NFX1: variants seen among roughly 807,000 people sequenced by gnomAD.
NFX1 encodes nuclear transcription factor, X-box binding 1, also known as transcriptional repressor NF-X1.
Under a neutral mutation model 137.2 loss-of-function variants are expected in NFX1, and 69 were observed. The ratio of observed to expected loss-of-function variants is 0.50; its 90% CI spans 0.41 to 0.61. The LOEUF (loss-of-function observed/expected upper bound fraction) is 0.61. Ranked by LOEUF, NFX1 falls within the 20% of genes least tolerant of loss-of-function variation. The pLI is 0.00. For missense variants in NFX1, 1,167 were observed against 1,391.0 expected, an observed-to-expected ratio of 0.84 and a Z score of 2.56; for synonymous variants, 495 against 474.1, an observed-to-expected ratio of 1.04 and a Z score of -0.57.
At chr9:33,351,371 G>A (rs891786579) in intron 15 of NFX1, among the ~76,000 whole-genome samples, 189 bp from the exon 16 acceptor site, 4 of 151,132 alleles carry the variant, frequency 2.6e-5, no homozygotes, top group South Asian at 2.1e-4. Context: ...GAGATGGGAG[G>A]ATCACCTGAG....
intron 16 of NFX1, among the ~76,000 whole-genome samples, chr9:33,352,122 T>C (rs1039684432): frequency 6.6e-6 from 1 of 152,212 alleles, no homozygotes; most frequent in Non-Finnish European, 1.5e-5. Flanking sequence ...GTGCTAGGGA[T>C]AAATTAGTGA....
chr9:33,328,540 G>T, intron 9 of NFX1, 41 bp from the exon 10 acceptor site: 11 of 1,469,084 alleles, frequency 7.5e-6, no homozygotes, highest in Non-Finnish European at 1.0e-5. Context: ...AAAATGAGTA[G>T]TTGCAGTTTT....
At chr9:33,313,925 C>T (rs773808937) in intron 7 of NFX1, 132 bp downstream of exon 7, 40 of 806,776 alleles carry the variant, frequency 5.0e-5, no homozygotes, top group Middle Eastern at 3.9e-4. Context: ...ACTGGAGATA[C>T]GATGCTTAGA....
intron 5 of NFX1, among the ~76,000 whole-genome samples, chr9:33,308,005 G>A (rs567699283): frequency 4.0e-5 from 6 of 151,870 alleles, no homozygotes; most frequent in South Asian, 2.1e-4. Flanking sequence ...GGGTTTTGCC[G>A]TGTTGCCCAG....
chr9:33,333,880 C>T (rs1032574507), intron 11 of NFX1, among the ~76,000 whole-genome samples: 1 of 152,268 alleles, frequency 6.6e-6, no homozygotes, highest in Non-Finnish European at 1.5e-5. Context: ...CCTGGTGGCT[C>T]ATGCCTGTAA....
intron 11 of NFX1, among the ~76,000 whole-genome samples, chr9:33,333,814 G>A (rs954088029): frequency 1.3e-5 from 2 of 152,110 alleles, no homozygotes; most frequent in African/African-American, 4.8e-5. Flanking sequence ...GGTTCAGTGT[G>A]CCATCTGTAT....
At chr9:33,354,726 C>T in intron 18 of NFX1, 125 bp from the exon 19 acceptor site, 1 of 833,914 alleles carries the variant, frequency 1.2e-6, no homozygotes, top group Non-Finnish European at 1.8e-6. Context: ...GCTTCCTGGC[C>T]TGAGGGATTG....
chr9:33,352,313 TG>T (rs1823665107), intron 16 of NFX1: 1 of 456,974 alleles, frequency 2.2e-6, no homozygotes, highest in Non-Finnish European at 4.3e-6. Flanking sequence ...CTTGAGGATG[TG>T]GAGTTGGCTT....
At chr9:33,345,180 G>C (rs1823373405) in intron 14 of NFX1, among the ~76,000 whole-genome samples, 2 of 143,968 alleles carry the variant, frequency 1.4e-5, no homozygotes, top group Admixed American at 1.4e-4. Flanking sequence ...AAAAGAAAAA[G>C]AAAAAGAAAA....
Position 33,295,129 on chromosome 9 carries a change from G to T in NFX1, c.735G>T (p.Arg245Ser), listed in dbSNP as rs770416767. 4 of 1,613,928 alleles carry T rather than the reference G, an allele frequency of 2.5e-6. No homozygotes were observed. The highest frequency in any genetic ancestry group is 1.7e-5 in the Admixed American group (1 of 59,988). ...AGCAGAGAAGATACCCACAGAAAAG[G>T]CCTCCCTGGGAAGTGGAGGGGGCCA... is the stretch of plus-strand genomic sequence containing the variant. ...RNEQRRYPQK[R>S]PPWEVEGARP... is the part of the protein sequence containing the mutation. The change falls in exon 2 of 24, where the codon AGG becomes AGT. Residue 245 changes from arginine to serine, a missense_variant. This residue lies in a region of NFX1 where 367 missense variants were observed against 386.7 expected (regional missense o/e 0.95). Transcript: ENST00000379540.
intron 2 of NFX1, among the ~76,000 whole-genome samples, chr9:33,296,188 G>C (rs1298833434): frequency 6.6e-6 from 1 of 152,174 alleles, no homozygotes; most frequent in African/African-American, 2.4e-5. Context: ...TTCCCAAAGT[G>C]CTGAGATTAC....
intron 2 of NFX1, among the ~76,000 whole-genome samples, chr9:33,299,934 G>C (rs1587817976): frequency 6.6e-6 from 1 of 152,018 alleles, no homozygotes; most frequent in Non-Finnish European, 1.5e-5. Context: ...ATTACAGTGT[G>C]CGCTTTTGAG....
At chr9:33,302,041 C>CA (rs1347939859) in intron 3 of NFX1, among the ~76,000 whole-genome samples, 2 of 152,194 alleles carry the variant, frequency 1.3e-5, no homozygotes, top group African/African-American at 4.8e-5. Context: ...CACTGCCCTC[C>CA]AGCCTGGGTG....
chr9:33,346,405 T>A (rs138770253), intron 14 of NFX1, among the ~76,000 whole-genome samples: 1 of 152,352 alleles, frequency 6.6e-6, no homozygotes, highest in African/African-American at 2.4e-5. Context: ...AAAAATACCC[T>A]GTGACCTTGA....
At chr9:33,324,002 G>C (rs1369307650) in intron 9 of NFX1, among the ~76,000 whole-genome samples, 1 of 152,172 alleles carries the variant, frequency 6.6e-6, no homozygotes, top group Non-Finnish European at 1.5e-5. Flanking sequence ...AGTGCTTTGA[G>C]AGATGGAGGC....
intron 11 of NFX1, among the ~76,000 whole-genome samples, chr9:33,337,283 C>T (rs558085693): frequency 6.6e-6 from 1 of 152,242 alleles, no homozygotes; most frequent in South Asian, 2.1e-4. Context: ...TCATCATTTT[C>T]TAATAGCATT....
chr9:33,355,274 A>G (rs996378366), intron 19 of NFX1, among the ~76,000 whole-genome samples: 3 of 152,204 alleles, frequency 2.0e-5, no homozygotes, highest in Admixed American at 2.0e-4. Flanking sequence ...TCGTCACTAA[A>G]TGATTACAGT....
intron 11 of NFX1, among the ~76,000 whole-genome samples, chr9:33,336,691 C>T (rs1258220268): frequency 1.3e-5 from 2 of 152,192 alleles, no homozygotes; most frequent in Non-Finnish European, 2.9e-5. Flanking sequence ...GCCTTGATCT[C>T]CTGGGCTCCA....
chr9:33,344,743 G>A (rs1338330715), intron 14 of NFX1, among the ~76,000 whole-genome samples: 4 of 152,120 alleles, frequency 2.6e-5, no homozygotes, highest in African/African-American at 9.7e-5. Flanking sequence ...GTGCACGCCT[G>A]TAGTCCCAGC....
Sources: gnomAD v4.1 joint callset for allele counts (sites outside exome capture counted in the v4.1 genomes callset) on GRCh38, gnomAD v4.1.1 for gene constraint, gnomAD v4.1.1 regional missense constraint, MANE v1.5 for transcripts, NCBI Gene and HGNC (gene_info 2026-07-23, HGNC 2026-07-21) for gene names.